The following BMP7 variants were observed in gnomAD, a reference collection of about 807,000 sequenced individuals.
The protein encoded by BMP7 is bone morphogenetic protein 7.
A neutral mutation model predicts 41.2 loss-of-function variants in BMP7; 12 were observed. The ratio of observed to expected loss-of-function variants is 0.29; its 90% CI spans 0.19 to 0.47. BMP7 has a LOEUF of 0.47. Ranked by LOEUF, BMP7 falls within the 20% of genes least tolerant of loss-of-function variation. The pLI is 0.99. For missense variants in BMP7, 467 were observed against 606.0 expected (o/e 0.77, Z 2.41); for synonymous variants, 248 against 250.0 (o/e 0.99, Z 0.07).
At chr20:57,198,082 G>C (rs945978763) in intron 3 of BMP7, among the ~76,000 whole-genome samples, 1 of 144,130 alleles carries the variant, frequency 6.9e-6, no homozygotes, top group African/African-American at 2.6e-5. Flanking sequence ...CTCTCCTCTC[G>C]CTCTCCTCTC....
chr20:57,194,585 T>A (rs754682480), intron 3 of BMP7, among the ~76,000 whole-genome samples: 1 of 152,084 alleles, frequency 6.6e-6, no homozygotes, highest in Non-Finnish European at 1.5e-5. Context: ...AGATAAGACA[T>A]CATTATTTTC....
intron 4 of BMP7, among the ~76,000 whole-genome samples, chr20:57,182,688 G>A (rs902371008): frequency 6.6e-6 from 1 of 152,244 alleles, no homozygotes; most frequent in South Asian, 2.1e-4. Context: ...TCCCCTCTGT[G>A]AAGTGGGAGG....
intron 5 of BMP7, 82 bp from the exon 6 acceptor site, chr20:57,173,392 C>T: frequency 1.5e-6 from 2 of 1,350,570 alleles, no homozygotes. Context: ...CCAGAAACCA[C>T]CACGCCAGGC....
Position 57,202,413 on chromosome 20 carries a change from A to T in BMP7, c.760+62T>A, listed in dbSNP as rs1984642037. On this transcript the variant is annotated intron_variant, in intron 3 of 6. Coordinates refer to ENST00000395863, the MANE Select transcript of BMP7 (RefSeq NM_001719.3). ...AGTGAAGCAAGCATGAGCACTGCTG[A>T]GACCCTCCTGAAGTCCAGGAGCACA... 7 of 1,581,446 alleles carry T rather than the reference A, an allele frequency of 4.4e-6. No homozygotes were observed. The Admixed American group carries it at 1.2e-4, about 27-fold the overall frequency.
chr20:57,239,726 C>T (rs1241100728), intron 1 of BMP7, among the ~76,000 whole-genome samples: 1 of 152,234 alleles, frequency 6.6e-6, no homozygotes, highest in Non-Finnish European at 1.5e-5. Flanking sequence ...ATTCCCAAAC[C>T]TCAATTCTTG....
intron 2 of BMP7, 56 bp from the exon 3 acceptor site, chr20:57,202,679 A>G (rs1984651165): frequency 2.9e-6 from 3 of 1,045,644 alleles, no homozygotes; most frequent in Non-Finnish European, 4.1e-6. Context: ...CAGCTCCACT[A>G]CCCCAACAGA....
At chr20:57,226,740 G>C (rs1489852992) in intron 2 of BMP7, among the ~76,000 whole-genome samples, 2 of 152,198 alleles carry the variant, frequency 1.3e-5, no homozygotes, top group African/African-American at 2.4e-5. Context: ...CACCTCAGCA[G>C]GGGCTGGAAG....
intron 4 of BMP7, among the ~76,000 whole-genome samples, chr20:57,176,827 C>T (rs1397536497): frequency 2.6e-5 from 4 of 151,908 alleles, no homozygotes; most frequent in African/African-American, 4.8e-5. Context: ...CTTTCCTCCA[C>T]ACCCACTACA....
rs922541409 is a variant in BMP7 at position 57,174,171 on chromosome 20, C to G, written c.1035+760G>C. 1.4e-4 allele frequency among the ~76,000 whole-genome samples: 22 copies of G among 152,156 alleles called. No individual in the cohort carries two copies. The highest frequency in any genetic ancestry group is 5.3e-4 in the African/African-American group (22 of 41,432). On this transcript the variant is annotated intron_variant, in intron 5 of 6. Coordinates refer to ENST00000395863, the MANE Select transcript of BMP7 (RefSeq NM_001719.3). The surrounding 1 kb of genome is among the most constrained non-coding windows in gnomAD (Gnocchi z 4.3). ...GAAGATTCTGGACTCTCCCACTGAA[C>G]TACAAGCTCCCTGAGGGTAGAATAC...
intron 6 of BMP7, chr20:57,172,930 T>A (rs1469474528): frequency 1.7e-6 from 1 of 603,982 alleles, no homozygotes; most frequent in Non-Finnish European, 2.9e-6. Context: ...ACTACAAGCA[T>A]CCTCAAAGGA....
chr20:57,231,515 G>A (rs1295275672), intron 1 of BMP7, among the ~76,000 whole-genome samples: 2 of 152,246 alleles, frequency 1.3e-5, no homozygotes, highest in East Asian at 3.8e-4. Flanking sequence ...GCCCCCTGAA[G>A]GAGGTGGCAC....
chr20:57,173,694 A>C (rs1324291075), intron 5 of BMP7: 4 of 318,118 alleles, frequency 1.3e-5, no homozygotes, highest in Non-Finnish European at 1.8e-5. Flanking sequence ...CTGATCCTAA[A>C]ATGGACATCC....
At chr20:57,183,389 GC>G (rs10719337) in intron 4 of BMP7, among the ~76,000 whole-genome samples, 152,290 of 152,290 alleles carry the variant, frequency 1, 76,145 homozygotes, top group Non-Finnish European at 1. Flanking sequence ...CATGGGGTAA[GC>G]CCCCCCAGGG....
chr20:57,176,836 C>T (rs2123059938), intron 4 of BMP7, among the ~76,000 whole-genome samples: 1 of 151,380 alleles, frequency 6.6e-6, no homozygotes, highest in African/African-American at 2.4e-5. Context: ...ACACCCACTA[C>T]ATGCCATTAG....
chr20:57,198,898 G>T (rs1029768731), intron 3 of BMP7, among the ~76,000 whole-genome samples: 2 of 152,164 alleles, frequency 1.3e-5, no homozygotes, highest in Non-Finnish European at 2.9e-5. Context: ...GAAAAGCAAG[G>T]CCCCAGGAGG....
chr20:57,184,013 C>T (rs1984153077), intron 3 of BMP7, 94 bp from the exon 4 acceptor site: 1 of 1,358,548 alleles, frequency 7.4e-7, no homozygotes, highest in Non-Finnish European at 1.0e-6. Flanking sequence ...CCGGTTCATT[C>T]ATGAACTCCT....
chr20:57,171,477 T>C lies in BMP7; in HGVS notation c.1147-369A>G, dbSNP rs1193775993. ...GTGCTCCATCTTGCTCATGGACTTC[T>C]CTGCACCTTACAGAGGATGTGGGAC... On this transcript the variant is annotated intron_variant, in intron 6 of 6. Transcript: ENST00000395863. This position sits in a 1 kb window ranked among gnomAD's most constrained non-coding sequence, Gnocchi z 4.5. 6.6e-6 allele frequency among the ~76,000 whole-genome samples: 1 copy of C among 152,188 alleles called. No homozygotes were observed. Among genetic ancestry groups the C allele is most frequent in the East Asian group, 1.9e-4 (1 of 5,198 alleles).
chr20:57,186,050 T>G (rs913161711), intron 3 of BMP7, among the ~76,000 whole-genome samples: 1 of 151,856 alleles, frequency 6.6e-6, no homozygotes, highest in African/African-American at 2.4e-5. Flanking sequence ...ATACCCTAAG[T>G]GCTCAATAAA....
At chr20:57,196,031 T>C (rs1391098923) in intron 3 of BMP7, among the ~76,000 whole-genome samples, 5 of 152,104 alleles carry the variant, frequency 3.3e-5, no homozygotes, top group African/African-American at 1.2e-4. Context: ...TCCCCGATCA[T>C]CTTCTTGGAT....
Sources: allele counts gnomAD v4.1 joint callset (sites outside exome capture counted in the v4.1 genomes callset), GRCh38; gene constraint gnomAD v4.1.1; non-coding constraint Gnocchi (gnomAD v3.1); transcripts MANE v1.5; gene names NCBI Gene and HGNC (gene_info 2026-07-23, HGNC 2026-07-21).